Variants in TMEM132D observed in about 807,000 individuals in gnomAD.
TMEM132D encodes mature OL transmembrane protein.
A neutral mutation model predicts 62.3 loss-of-function variants in TMEM132D; 21 were observed. The observed-to-expected ratio is 0.34, with a 90% CI of 0.24 to 0.49. TMEM132D has a LOEUF of 0.49. TMEM132D is among the 20% of genes least tolerant of loss of function. The pLI is 0.99. For missense variants in TMEM132D, 1,346 were observed against 1,402.8 expected (o/e 0.96, Z 0.65); for synonymous variants, 621 against 575.6 (o/e 1.08, Z -1.13).
intron 4 of TMEM132D, among the ~76,000 whole-genome samples, chr12:129,248,590 A>C (rs1466816462): frequency 6.6e-6 from 1 of 151,982 alleles, no homozygotes; most frequent in Non-Finnish European, 1.5e-5. Context: ...CAGGGGTAGA[A>C]GTGCAGGTTT....
At chr12:129,141,080 G>A (rs111513657) in intron 5 of TMEM132D, among the ~76,000 whole-genome samples, 15 of 152,274 alleles carry the variant, frequency 9.9e-5, no homozygotes, top group African/African-American at 3.6e-4. Flanking sequence ...AAGATCTTAA[G>A]TTGCATCATT....
chr12:129,432,747 C>A (rs1872695645), intron 3 of TMEM132D, among the ~76,000 whole-genome samples: 1 of 152,140 alleles, frequency 6.6e-6, no homozygotes, highest in Admixed American at 6.5e-5. Context: ...TCTATGTGGG[C>A]AAATTAAGGA....
At chr12:129,336,611 A>T (rs1371696961) in intron 4 of TMEM132D, among the ~76,000 whole-genome samples, 1 of 152,162 alleles carries the variant, frequency 6.6e-6, no homozygotes, top group African/African-American at 2.4e-5. Flanking sequence ...CATAGCAAGA[A>T]CAGGTGCTGT....
chr12:129,762,111 G>A (rs1215201285), intron 1 of TMEM132D, among the ~76,000 whole-genome samples: 1 of 152,118 alleles, frequency 6.6e-6, no homozygotes, highest in Non-Finnish European at 1.5e-5. Flanking sequence ...GCACACTTAA[G>A]CCCCTGGATC....
chr12:129,294,761 C>G (rs748053309), intron 4 of TMEM132D, among the ~76,000 whole-genome samples: 3 of 152,330 alleles, frequency 2.0e-5, no homozygotes, highest in East Asian at 1.9e-4. Flanking sequence ...CCATCACCCC[C>G]CTGCAGGCAG....
intron 5 of TMEM132D, among the ~76,000 whole-genome samples, chr12:129,184,552 G>A (rs971364144): frequency 1.3e-5 from 2 of 152,188 alleles, no homozygotes; most frequent in African/African-American, 4.8e-5. Flanking sequence ...GGGCTGGGGT[G>A]GTGGATTTTG....
At chr12:129,321,802 A>G (rs7135013) in intron 4 of TMEM132D, among the ~76,000 whole-genome samples, 73,153 of 151,856 alleles carry the variant, frequency 0.48, 17,973 homozygotes, top group East Asian at 0.65. Flanking sequence ...CTCGTGATCC[A>G]CCCGCCTCGG....
chr12:129,748,690 C>G (rs1218198325), intron 1 of TMEM132D, among the ~76,000 whole-genome samples: 2 of 152,128 alleles, frequency 1.3e-5, no homozygotes, highest in African/African-American at 4.8e-5. Flanking sequence ...CTAGGGCTCC[C>G]AGAGCAACAA....
At chr12:129,329,198 T>C (rs1313363756) in intron 4 of TMEM132D, among the ~76,000 whole-genome samples, 1 of 152,040 alleles carries the variant, frequency 6.6e-6, no homozygotes, top group Non-Finnish European at 1.5e-5. Flanking sequence ...TGGTACCTAA[T>C]GAACAGTAAG....
At chr12:129,465,061 C>A (rs1253429470) in intron 3 of TMEM132D, among the ~76,000 whole-genome samples, 3 of 151,938 alleles carry the variant, frequency 2.0e-5, no homozygotes, top group African/African-American at 7.3e-5. Context: ...TTACCTTGGG[C>A]AGTATGGGCA....
At chr12:129,450,061 G>C (rs139106526) in intron 3 of TMEM132D, among the ~76,000 whole-genome samples, 1 of 152,018 alleles carries the variant, frequency 6.6e-6, no homozygotes, top group South Asian at 2.1e-4. Flanking sequence ...ACTTCTGCAC[G>C]GGTTTTTTTC....
At chr12:129,507,183 C>A (rs7959943) in intron 3 of TMEM132D, among the ~76,000 whole-genome samples, 11,393 of 151,808 alleles carry the variant, frequency 0.075, 513 homozygotes, top group Admixed American at 0.13. Context: ...ACAATAATGG[C>A]CATAATAAAA....
At chr12:129,361,978 G>T (rs751257376) in intron 3 of TMEM132D, among the ~76,000 whole-genome samples, 1 of 152,164 alleles carries the variant, frequency 6.6e-6, no homozygotes, top group African/African-American at 2.4e-5. Flanking sequence ...AAAATTGAAG[G>T]AGCATTCACG....
chr12:129,540,649 C>A (rs572871968), intron 2 of TMEM132D, among the ~76,000 whole-genome samples: 1 of 152,164 alleles, frequency 6.6e-6, no homozygotes, highest in East Asian at 1.9e-4. Flanking sequence ...CTACCCCCAG[C>A]TAATTTTGTG....
At position 129,140,120 on chromosome 12, in the gene TMEM132D, T is replaced by G. The variant is rs1370417228; in HGVS notation, c.1444-55418A>C. Among the ~76,000 whole-genome samples, 3 of 152,128 alleles carry G rather than the reference T, an allele frequency of 2.0e-5. No individual in the cohort carries two copies. The East Asian group carries it at 5.8e-4, about 29-fold the overall frequency. The stretch of plus-strand genomic sequence containing the variant: ...ATTCAACAGTCTTATGCATATACTT[T>G]GATGCATTTGGGTAATTATACACAA... On this transcript the variant is annotated intron_variant, in intron 5 of 8. Transcript: ENST00000422113.
At chr12:129,166,776 CATATATATATATAT>C (rs59414458) in intron 5 of TMEM132D, among the ~76,000 whole-genome samples, 14 of 95,486 alleles carry the variant, frequency 1.5e-4, no homozygotes, top group Middle Eastern at 5.6e-3. Context: ...TATATATATA[CATATATATATATAT>C]ATATATATAT....
At chr12:129,391,037 T>C (rs954526939) in intron 3 of TMEM132D, among the ~76,000 whole-genome samples, 8 of 152,202 alleles carry the variant, frequency 5.3e-5, no homozygotes, top group Admixed American at 3.9e-4. Flanking sequence ...TCTATAACTG[T>C]TCATTCTTAT....
At chr12:129,800,463 C>T (rs535054764) in intron 1 of TMEM132D, among the ~76,000 whole-genome samples, 1 of 152,028 alleles carries the variant, frequency 6.6e-6, no homozygotes, top group East Asian at 1.9e-4. Context: ...GATGAGAGTC[C>T]TAGCCCCTCT....
intron 5 of TMEM132D, among the ~76,000 whole-genome samples, chr12:129,107,832 G>A (rs996929078): frequency 6.7e-6 from 1 of 150,142 alleles, no homozygotes; most frequent in Non-Finnish European, 1.5e-5. Flanking sequence ...GACTACAGGT[G>A]TGCACCACCA....
Sources: gnomAD v4.1 joint callset for allele counts (sites outside exome capture counted in the v4.1 genomes callset) on GRCh38, gnomAD v4.1.1 for gene constraint, MANE v1.5 for transcripts, NCBI Gene and HGNC (gene_info 2026-07-23, HGNC 2026-07-21) for gene names.